ONECUT3: variants seen among roughly 807,000 people sequenced by gnomAD.
The protein encoded by ONECUT3 is one cut domain family member 3.
ONECUT3 carries 11 observed loss-of-function variants against 16.8 expected under a neutral mutation model. That is an observed-to-expected ratio of 0.66 (90% CI 0.41 to 1.09). The LOEUF (loss-of-function observed/expected upper bound fraction) is 1.09, where lower values mean the gene tolerates loss of function less well. ONECUT3 is among the 50% of genes least tolerant of loss of function. The pLI is 0.00. For missense variants in ONECUT3, 637 were observed against 629.9 expected, an observed-to-expected ratio of 1.01 and a Z score of -0.12; for synonymous variants, 344 against 310.7, an observed-to-expected ratio of 1.11 and a Z score of -1.13.
At chr19:1,760,275 C>T (rs543419165) in intron 1 of ONECUT3, among the ~76,000 whole-genome samples, 4 of 152,210 alleles carry the variant, frequency 2.6e-5, no homozygotes, top group Non-Finnish European at 5.9e-5. Flanking sequence ...GCTCTGACCC[C>T]GCTGAGTCTG....
intron 1 of ONECUT3, among the ~76,000 whole-genome samples, chr19:1,770,825 C>A (rs187646100): frequency 1.3e-5 from 2 of 152,270 alleles, no homozygotes; most frequent in East Asian, 1.9e-4. Context: ...AACATAGGTT[C>A]TTGTCTCTCC....
chr19:1,775,127 C>CCCGT, intron 1 of ONECUT3, 26 bp from the exon 2 acceptor site: 1 of 818,604 alleles, frequency 1.2e-6, no homozygotes, highest in Non-Finnish European at 1.8e-6. Flanking sequence ...GTCCCGCTCG[C>CCCGT]CCGCCCGCCC....
At position 1,766,250 on chromosome 19, in the gene ONECUT3, GGCAGCCCCAC is replaced by G. The variant is rs1232782350; in HGVS notation, c.1193-8900_1193-8891del. On this transcript the variant is annotated intron_variant, in intron 1 of 1. Coordinates refer to ENST00000382349, the MANE Select transcript of ONECUT3 (RefSeq NM_001080488.2). The surrounding 1 kb of genome is among the most constrained non-coding windows in gnomAD (Gnocchi z 4.0). The stretch of plus-strand genomic sequence containing the variant: ...CCGCCGGGACATTTGGGAAGCCTCA[GGCAGCCCCAC>G]GCGGGCACACCCGATGGTGGACGGA... Among the ~76,000 whole-genome samples, 1 of 152,166 alleles carries G rather than the reference GGCAGCCCCAC, an allele frequency of 6.6e-6. No homozygotes were observed. Among genetic ancestry groups the G allele is most frequent in the African/African-American group, 2.4e-5 (1 of 41,458 alleles).
chr19:1,769,028 G>GAGGTAGAGGTAGAGGTGC, intron 1 of ONECUT3, among the ~76,000 whole-genome samples: 1 of 146,772 alleles, frequency 6.8e-6, no homozygotes, highest in Non-Finnish European at 1.5e-5. Flanking sequence ...GGAAGTGGAG[G>GAGGTAGAGGTAGAGGTGC]TGGAGGTGAC....
At chr19:1,765,877 C>T (rs372536149) in intron 1 of ONECUT3, among the ~76,000 whole-genome samples, 2 of 152,308 alleles carry the variant, frequency 1.3e-5, no homozygotes, top group South Asian at 2.1e-4. Flanking sequence ...GACATGGATG[C>T]GTAACCCACA....
rs2067953993 is a variant in ONECUT3, at chr19:1,762,868, C to T, written c.1192+8014C>T. Among the ~76,000 whole-genome samples the T allele has an allele frequency of 6.6e-6, 1 of 152,204 alleles. No homozygotes were observed. The highest frequency in any genetic ancestry group is 2.4e-5 in the African/African-American group (1 of 41,458). ...TCCAGCGCAGTGGGAGGACAAGACA[C>T]GTTCCTCCTCCCCTCCTCCACCTCC... On this transcript the variant is annotated intron_variant, in intron 1 of 1. Transcript: ENST00000382349. This position sits in a 1 kb window ranked among gnomAD's most constrained non-coding sequence, Gnocchi z 4.4.
intron 1 of ONECUT3, among the ~76,000 whole-genome samples, chr19:1,767,076 G>A (rs575926004): frequency 1.3e-5 from 2 of 152,134 alleles, no homozygotes; most frequent in African/African-American, 4.8e-5. Context: ...TGGCTGGAGT[G>A]ACCCAACTTT....
Position 1,758,705 on chromosome 19 carries a change from G to T in ONECUT3, c.1192+3851G>T, listed in dbSNP as rs935328797. ...CCTCCGAGTCCCGCACTTCGGAGCT[G>T]CCTCCTGGTCAAAGCTCTCCCCTGG... is the stretch of plus-strand genomic sequence containing the variant. On this transcript the variant is annotated intron_variant, in intron 1 of 1. Coordinates refer to ENST00000382349, the MANE Select transcript of ONECUT3 (RefSeq NM_001080488.2). The surrounding 1 kb of genome is among the most constrained non-coding windows in gnomAD (Gnocchi z 5.9). Among the ~76,000 whole-genome samples, 1 of 150,448 alleles carries T rather than the reference G, an allele frequency of 6.6e-6. No homozygotes were observed. Among genetic ancestry groups the T allele is most frequent in the South Asian group, 2.1e-4 (1 of 4,736 alleles).
rs1158331451 is a variant in ONECUT3, at chr19:1,766,196, A to G, written c.1193-8957A>G. On this transcript the variant is annotated intron_variant, in intron 1 of 1. Coordinates refer to ENST00000382349, the MANE Select transcript of ONECUT3 (RefSeq NM_001080488.2). The surrounding 1 kb of genome is among the most constrained non-coding windows in gnomAD (Gnocchi z 4.0). ...GTGCAGGCGCCACCCACCCACCCAC[A>G]GCACCTCGCTCAGACTTCGCCCTCC... is the stretch of plus-strand genomic sequence containing the variant. Among the ~76,000 whole-genome samples the G allele has an allele frequency of 6.6e-6, 1 of 151,714 alleles. No homozygotes were observed. The highest frequency in any genetic ancestry group is 1.5e-5 in the Non-Finnish European group (1 of 67,938).
chr19:1,769,801 C>T (rs146696086), intron 1 of ONECUT3, among the ~76,000 whole-genome samples: 5 of 152,002 alleles, frequency 3.3e-5, no homozygotes, highest in African/African-American at 4.8e-5. Context: ...GATTGAACGC[C>T]GGGAAGGGGG....
intron 1 of ONECUT3, among the ~76,000 whole-genome samples, chr19:1,771,642 G>C (rs2068055934): frequency 6.6e-6 from 1 of 152,126 alleles, no homozygotes; most frequent in South Asian, 2.1e-4. Context: ...AACGAGGCTT[G>C]AGTGTCTTTT....
rs1474177862 is a variant in ONECUT3 at position 1,775,136 on chromosome 19, C to CCGCT, written c.1193-14_1193-13insTCGC. The stretch of plus-strand genomic sequence containing the variant: ...CGCTGTGTCCCGCTCGCCCGCCCGC[C>CCGCT]CGCCGCTCGCCCGCAGCCTGCAAGC... On this transcript the variant is annotated splice_polypyrimidine_tract_variant and intron_variant, in intron 1 of 1. Transcript: ENST00000382349. 22 of 1,329,648 alleles carry CCGCT rather than the reference C, an allele frequency of 1.7e-5. No individual in the cohort carries two copies. The highest frequency in any genetic ancestry group is 2.5e-4 in the Middle Eastern group (1 of 3,982). 82.4% of individuals were successfully genotyped at this position (1,329,648 alleles called of 1,614,324 possible).
Position 1,766,223 on chromosome 19 carries a change from C to A in ONECUT3, c.1193-8930C>A, listed in dbSNP as rs549206086. Among the ~76,000 whole-genome samples, 6 of 152,354 alleles carry A rather than the reference C, an allele frequency of 3.9e-5. No individual in the cohort carries two copies. In the South Asian group the frequency reaches 1.2e-3, roughly 32 times the overall value. ...CACCTCGCTCAGACTTCGCCCTCCA[C>A]CCCGCCGGGACATTTGGGAAGCCTC... is the stretch of plus-strand genomic sequence containing the variant. On this transcript the variant is annotated intron_variant, in intron 1 of 1. Coordinates refer to ENST00000382349, the MANE Select transcript of ONECUT3 (RefSeq NM_001080488.2). The surrounding 1 kb of genome is among the most constrained non-coding windows in gnomAD (Gnocchi z 4.0).
Position 1,758,439 on chromosome 19 carries a change from G to C in ONECUT3, c.1192+3585G>C, listed in dbSNP as rs2067929418. Among the ~76,000 whole-genome samples the C allele has an allele frequency of 6.6e-6, 1 of 152,106 alleles. No homozygotes were observed. The highest frequency in any genetic ancestry group is 2.4e-5 in the African/African-American group (1 of 41,400). The stretch of plus-strand genomic sequence containing the variant: ...TCCCCATGGGGTAGGACTTGGGAGA[G>C]GGGAATAGGTGTTTTCCTTGTTTCA... On this transcript the variant is annotated intron_variant, in intron 1 of 1. Coordinates refer to ENST00000382349, the MANE Select transcript of ONECUT3 (RefSeq NM_001080488.2). This position sits in a 1 kb window ranked among gnomAD's most constrained non-coding sequence, Gnocchi z 5.9.
rs995479093 is a variant in ONECUT3, at chr19:1,753,863, C to T, written c.201C>T (p.Gly67=). The T allele has an allele frequency of 2.1e-6, 2 of 974,276 alleles. No homozygotes were observed. Among genetic ancestry groups the T allele is most frequent in the South Asian group, 4.6e-5 (1 of 21,930 alleles). 60.4% of individuals were successfully genotyped at this position (974,276 alleles called of 1,614,324 possible). Residue 67 remains glycine (G), a synonymous_variant, in exon 1 of 2, where the codon GGC becomes GGT. Transcript: ENST00000382349. ...GGGGGGGGAG[G]AGGAGSAGGG... ...GCGGCGGCGGTGGGGGCGCCGGGGG[C>T]GCGGGCGGCGCGGGCAGCGCGGGCG...
rs536215899 is a variant in ONECUT3, at chr19:1,762,974, C to A, written c.1192+8120C>A. 6.6e-6 allele frequency among the ~76,000 whole-genome samples: 1 copy of A among 152,194 alleles called. No homozygotes were observed. The highest frequency in any genetic ancestry group is 1.5e-5 in the Non-Finnish European group (1 of 68,024). ...GAGGCTCAAACCTGTAGTCCCAGCA[C>A]TTTGGGAGGCCAAGGCAAGAGGATC... On this transcript the variant is annotated intron_variant, in intron 1 of 1. Transcript: ENST00000382349. The surrounding 1 kb of genome is among the most constrained non-coding windows in gnomAD (Gnocchi z 4.4).
Position 1,755,548 on chromosome 19 carries a change from C to T in ONECUT3, c.1192+694C>T, listed in dbSNP as rs952198333. On this transcript the variant is annotated intron_variant, in intron 1 of 1. Transcript: ENST00000382349. This position sits in a 1 kb window ranked among gnomAD's most constrained non-coding sequence, Gnocchi z 7.5. ...CGCGCCGCCCGGAGGCCTTCACACCCCGACCCGGCGCCCGCCCCGCGCAGT... is the reference window on the plus strand; with the variant it reads ...CGCGCCGCCCGGAGGCCTTCACACCTCGACCCGGCGCCCGCCCCGCGCAGT... Among the ~76,000 whole-genome samples, 1 of 152,036 alleles carries T rather than the reference C, an allele frequency of 6.6e-6. No homozygotes were observed. The highest frequency in any genetic ancestry group is 1.5e-5 in the Non-Finnish European group (1 of 67,966).
At position 1,755,819 on chromosome 19, in the gene ONECUT3, A is replaced by G. The variant is rs1226590327; in HGVS notation, c.1192+965A>G. Among the ~76,000 whole-genome samples, 1 of 152,008 alleles carries G rather than the reference A, an allele frequency of 6.6e-6. No homozygotes were observed. The highest frequency in any genetic ancestry group is 1.5e-5 in the Non-Finnish European group (1 of 67,966). On this transcript the variant is annotated intron_variant, in intron 1 of 1. Coordinates refer to ENST00000382349, the MANE Select transcript of ONECUT3 (RefSeq NM_001080488.2). This position sits in a 1 kb window ranked among gnomAD's most constrained non-coding sequence, Gnocchi z 7.5. ...TCCTCCCTCCTCCCTCCCAGCTGAC[A>G]ACAGCTAAGTCCACACCTGCCCTCT... is the stretch of plus-strand genomic sequence containing the variant.
intron 1 of ONECUT3, among the ~76,000 whole-genome samples, chr19:1,768,319 A>T (rs1224184116): frequency 2.0e-5 from 3 of 152,092 alleles, no homozygotes; most frequent in Non-Finnish European, 4.4e-5. Flanking sequence ...AACCAGGCAG[A>T]GAGAACCGTC....
Sources: allele counts gnomAD v4.1 joint callset (sites outside exome capture counted in the v4.1 genomes callset), GRCh38; gene constraint gnomAD v4.1.1; non-coding constraint Gnocchi (gnomAD v3.1); transcripts MANE v1.5; gene names NCBI Gene and HGNC (gene_info 2026-07-23, HGNC 2026-07-21).